MMD2: variants seen among roughly 807,000 people sequenced by gnomAD.
The protein encoded by MMD2 is monocyte to macrophage differentiation associated 2, also known as monocyte to macrophage differentiation factor 2.
In MMD2, 30 loss-of-function variants were observed where a neutral mutation model predicts 33.5. That is an observed-to-expected ratio of 0.90 (90% CI 0.67 to 1.22). The LOEUF (loss-of-function observed/expected upper bound fraction) is 1.22, where lower values mean the gene tolerates loss of function less well. MMD2 is among the 50% of genes most tolerant of loss of function. The probability of loss-of-function intolerance (pLI) is 0.00; values close to 1 mark genes in which losing one functional copy is unlikely to be tolerated. For missense variants in MMD2, 364 were observed against 325.4 expected (o/e 1.12, Z -0.91); for synonymous variants, 129 against 123.0 (o/e 1.05, Z -0.32).
At chr7:4,947,574 T>C (rs1786123761) in intron 1 of MMD2, among the ~76,000 whole-genome samples, 1 of 150,622 alleles carries the variant, frequency 6.6e-6, no homozygotes, top group Admixed American at 6.6e-5. Context: ...TTTGTATTTT[T>C]AGTAGAGACG....
Position 4,909,889 on chromosome 7 carries a change from G to C in MMD2, c.529C>G (p.Leu177Val). The change falls in exon 6 of 7, where the codon CTC becomes GTC. Residue 177 changes from leucine (L) to valine (V), a missense_variant. Transcript: ENST00000401401. ...VMGFFPALVI[L>V]SMPNTEGIWE... ...GGGCTGGCAGCACTTACCATGGAGA[G>C]GATGACCAGGGCGGGGAAGAAGCCC... The C allele has an allele frequency of 6.2e-7, 1 of 1,612,924 alleles. No homozygotes were observed. Among genetic ancestry groups the C allele is most frequent in the Non-Finnish European group, 8.5e-7 (1 of 1,179,392 alleles).
chr7:4,898,778 A>T, the MMD2 span, among the ~76,000 whole-genome samples: 5 of 152,288 alleles, frequency 3.3e-5, no homozygotes, highest in African/African-American at 1.2e-4. Context: ...ACGCATCTGT[A>T]ATCCCAGCTA....
At chr7:4,925,356 C>T (rs945619593) in intron 2 of MMD2, 95 bp downstream of exon 2, 11 of 994,330 alleles carry the variant, frequency 1.1e-5, no homozygotes, top group South Asian at 7.9e-5. Context: ...GAGGAACAGG[C>T]CACTTAGGAC....
At chr7:4,938,696 C>T (rs755576168) in intron 1 of MMD2, among the ~76,000 whole-genome samples, 3 of 152,150 alleles carry the variant, frequency 2.0e-5, no homozygotes, top group Non-Finnish European at 4.4e-5. Flanking sequence ...TGAAAGAAAG[C>T]AAAGCCAACC....
In MMD2 at chr7:4,911,041, C is replaced by T. The variant is rs1014564510; in HGVS notation, c.467+104G>A. 2.8e-5 allele frequency: 28 copies of T among 986,682 alleles called. No individual in the cohort carries two copies. The African/African-American group carries it at 4.4e-4, about 15-fold the overall frequency. 61.1% of individuals were successfully genotyped at this position (986,682 alleles called of 1,614,324 possible). On this transcript the variant is annotated intron_variant, in intron 5 of 6. Coordinates refer to ENST00000401401, the MANE Select transcript of MMD2 (RefSeq NM_198403.4). ...GACGTGACAGCCAGAGCTGTGCTCT[C>T]ACGATTATGAGATCATCCTGGACTC...
chr7:4,934,609 C>A (rs1044905865), intron 1 of MMD2, among the ~76,000 whole-genome samples: 1 of 152,188 alleles, frequency 6.6e-6, no homozygotes, highest in Non-Finnish European at 1.5e-5. Flanking sequence ...TTGTAGCCAA[C>A]CCTTACTGCT....
At chr7:4,952,669 G>A (rs1157853156) in intron 1 of MMD2, among the ~76,000 whole-genome samples, 1 of 150,254 alleles carries the variant, frequency 6.7e-6, no homozygotes, top group Non-Finnish European at 1.5e-5. Context: ...TGGGGATCTC[G>A]GTTGCGTGCT....
intron 1 of MMD2, among the ~76,000 whole-genome samples, chr7:4,950,568 C>T (rs781554480): frequency 1.3e-5 from 2 of 152,172 alleles, no homozygotes; most frequent in South Asian, 2.1e-4. Context: ...TTGGACTCCT[C>T]GAGGGACCTC....
intron 4 of MMD2, among the ~76,000 whole-genome samples, chr7:4,914,912 C>A (rs1785102622): frequency 1.3e-5 from 2 of 152,098 alleles, no homozygotes; most frequent in African/African-American, 4.8e-5. Flanking sequence ...GCCTGGGCAA[C>A]AGAACAAGAC....
rs149802923 is a variant in MMD2, at chr7:4,920,278, G to T, written c.183C>A (p.Asp61Glu). ...LGSSNLYFLS[D>E]DDWETISAWI... is the part of the protein sequence containing the mutation. ...AGGCAGAGATGGTCTCCCAGTCATC[G>T]TCCGACAGGAAGTAGAGGTTGGAGC... The change falls in exon 3 of 7, where the codon GAC (aspartate) becomes GAA (glutamate). Residue 61 changes from aspartate (D) to glutamate (E), a missense_variant. Coordinates refer to ENST00000401401, the MANE Select transcript of MMD2 (RefSeq NM_198403.4). 1.2e-6 allele frequency: 2 copies of T among 1,607,636 alleles called. No individual in the cohort carries two copies. Among genetic ancestry groups the T allele is most frequent in the Admixed American group, 3.4e-5 (2 of 58,986 alleles).
chr7:4,930,757 A>G (rs910423013), intron 1 of MMD2, among the ~76,000 whole-genome samples: 2 of 152,190 alleles, frequency 1.3e-5, no homozygotes, highest in African/African-American at 4.8e-5. Context: ...GCGAAGAAAT[A>G]TCTGCTTTTG....
intron 1 of MMD2, among the ~76,000 whole-genome samples, chr7:4,938,945 C>T (rs561002700): frequency 7.9e-5 from 12 of 152,048 alleles, no homozygotes; most frequent in African/African-American, 2.7e-4. Context: ...CGATGGCTCA[C>T]GTCTGTAATC....
chr7:4,898,924 A>G, the MMD2 span, among the ~76,000 whole-genome samples: 2 of 151,694 alleles, frequency 1.3e-5, no homozygotes, highest in African/African-American at 2.4e-5. Context: ...AGAGAGACAG[A>G]GGAAGGAAGG....
At chr7:4,941,357 C>T (rs1236205856) in intron 1 of MMD2, among the ~76,000 whole-genome samples, 1 of 152,150 alleles carries the variant, frequency 6.6e-6, no homozygotes, top group Non-Finnish European at 1.5e-5. Context: ...TGACCGGGCG[C>T]GGTGGCTCGC....
intron 1 of MMD2, among the ~76,000 whole-genome samples, chr7:4,939,723 T>G (rs929904995): frequency 2.0e-5 from 3 of 149,344 alleles, no homozygotes; most frequent in African/African-American, 7.5e-5. Flanking sequence ...ACACTTCCAA[T>G]CTATTTCTTT....
At position 4,906,228 on chromosome 7, in the gene MMD2, T is replaced by A. The variant is rs1019465498; in HGVS notation, c.*1168A>T. 5 of 356,536 alleles carry A rather than the reference T, an allele frequency of 1.4e-5. No homozygotes were observed. The highest frequency in any genetic ancestry group is 5.0e-6 in the Non-Finnish European group (1 of 199,398). The allele number at this position is 356,536 out of a possible 1,614,324, so 22.1% of individuals were successfully genotyped here. ...CTGGGCCTGCTACTCACCTCCCCAG[T>A]AAATGTCCAGGCAGCATTGGACAGA... On this transcript the variant is annotated 3_prime_UTR_variant, in exon 7 of 7. Coordinates refer to ENST00000401401, the MANE Select transcript of MMD2 (RefSeq NM_198403.4).
rs974242367 is a variant in MMD2 at position 4,959,124 on chromosome 7, G to C, written c.-107C>G. On this transcript the variant is annotated 5_prime_UTR_variant, in exon 1 of 7. Coordinates refer to ENST00000401401, the MANE Select transcript of MMD2 (RefSeq NM_198403.4). ...GCAGGTTGGAGGGCGCGCGGCGGGG[G>C]CCAAGGGGACCTGGTCGGCGCCCGG... The C allele has an allele frequency of 2.2e-6, 2 of 921,974 alleles. No homozygotes were observed. The highest frequency in any genetic ancestry group is 7.1e-5 in the East Asian group (2 of 28,018). 57.1% of individuals were successfully genotyped at this position (921,974 alleles called of 1,614,324 possible).
intron 3 of MMD2, among the ~76,000 whole-genome samples, chr7:4,918,148 C>T (rs1785186565): frequency 6.6e-6 from 1 of 152,152 alleles, no homozygotes; most frequent in South Asian, 2.1e-4. Flanking sequence ...CTACAGGAAA[C>T]AGCACAGACT....
chr7:4,945,237 T>TTCC (rs1370948797), intron 1 of MMD2, among the ~76,000 whole-genome samples: 2 of 147,118 alleles, frequency 1.4e-5, no homozygotes, highest in Admixed American at 6.9e-5. Context: ...CTTCTTCTTC[T>TTCC]TCCTCTCTCT....
Sources: allele counts gnomAD v4.1 joint callset (sites outside exome capture counted in the v4.1 genomes callset), GRCh38; gene constraint gnomAD v4.1.1; transcripts MANE v1.5; gene names NCBI Gene and HGNC (gene_info 2026-07-23, HGNC 2026-07-21).